MBNL1: variants seen among roughly 807,000 people sequenced by gnomAD.
MBNL1 encodes muscleblind-like protein 1.
MBNL1 carries 8 observed loss-of-function variants against 42.2 expected under a neutral mutation model. The ratio of observed to expected loss-of-function variants is 0.19; its 90% CI spans 0.11 to 0.34. The LOEUF (loss-of-function observed/expected upper bound fraction) is 0.34, where lower values mean the gene tolerates loss of function less well. Among genes scored for constraint, MBNL1 ranks in the 10% least tolerant of loss-of-function variants. The pLI is 1.00. For synonymous variants in MBNL1, 169 were observed against 173.9 expected (o/e 0.97, Z 0.22); for missense variants, 309 against 495.3 (o/e 0.62, Z 3.57).
rs2060245568 is a variant in MBNL1, at chr3:152,300,449, T to A, written c.174+82T>A. 1.4e-5 allele frequency: 16 copies of A among 1,171,814 alleles called. No homozygotes were observed. The South Asian group carries it at 2.3e-4, about 17-fold the overall frequency. The allele number at this position is 1,171,814 out of a possible 1,614,324, so 72.6% of individuals were successfully genotyped here. On this transcript the variant is annotated intron_variant, in intron 2 of 9. Transcript: ENST00000324210. Reference sequence around the variant, plus strand: ...GACATACAGTTCTCTGCATATGGGATTATGGATTGCTTTGTTCATAGTTTA... The same window carrying A: ...GACATACAGTTCTCTGCATATGGGAATATGGATTGCTTTGTTCATAGTTTA...
At chr3:152,372,774 G>T (rs921546785) in intron 2 of MBNL1, among the ~76,000 whole-genome samples, 1 of 152,242 alleles carries the variant, frequency 6.6e-6, no homozygotes, top group Non-Finnish European at 1.5e-5. Context: ...AGGCACAGGG[G>T]TCAGGGACCC....
At chr3:152,434,928 G>A (rs188829982) in intron 4 of MBNL1, among the ~76,000 whole-genome samples, 20 of 152,252 alleles carry the variant, frequency 1.3e-4, no homozygotes, top group African/African-American at 4.6e-4. Flanking sequence ...GTTCCTTACA[G>A]ATTCTAGATA....
At chr3:152,454,022 T>C (rs749270384) in intron 6 of MBNL1, among the ~76,000 whole-genome samples, 10 of 152,216 alleles carry the variant, frequency 6.6e-5, no homozygotes, top group Admixed American at 3.9e-4. Flanking sequence ...AAGATGTAGA[T>C]CCGGTATTAA....
chr3:152,255,395 G>A (rs943780516), intron 2 of MBNL1, among the ~76,000 whole-genome samples: 1 of 152,002 alleles, frequency 6.6e-6, no homozygotes, highest in African/African-American at 2.4e-5. Context: ...TTAATATTGA[G>A]CATTATCTCC....
At chr3:152,326,775 A>G (rs1276140224) in intron 2 of MBNL1, among the ~76,000 whole-genome samples, 2 of 92,076 alleles carry the variant, frequency 2.2e-5, no homozygotes, top group Non-Finnish European at 4.7e-5. Context: ...TTCCCTTGGG[A>G]AAATTATTTA....
intron 2 of MBNL1, among the ~76,000 whole-genome samples, chr3:152,380,810 A>G (rs191047289): frequency 2.5e-4 from 38 of 152,168 alleles, no homozygotes; most frequent in Admixed American, 7.9e-4. Flanking sequence ...CACTGAGTTA[A>G]TATTTTTCCT....
chr3:152,417,308 A>G (rs1273348576), intron 3 of MBNL1, among the ~76,000 whole-genome samples: 1 of 152,208 alleles, frequency 6.6e-6, no homozygotes, highest in African/African-American at 2.4e-5. Context: ...AGGGATTGTA[A>G]CAGGACTAGA....
chr3:152,322,516 T>C (rs1266803559), intron 2 of MBNL1, among the ~76,000 whole-genome samples: 1 of 152,066 alleles, frequency 6.6e-6, no homozygotes, highest in Non-Finnish European at 1.5e-5. Flanking sequence ...ACTTGAATTA[T>C]TCTAATTACG....
intron 2 of MBNL1, among the ~76,000 whole-genome samples, chr3:152,391,705 A>G (rs1325439674): frequency 1.3e-5 from 2 of 152,206 alleles, no homozygotes; most frequent in African/African-American, 4.8e-5. Context: ...TATTTCCTAT[A>G]GAAAACACCT....
chr3:152,421,165 G>A (rs1368380367), intron 3 of MBNL1, among the ~76,000 whole-genome samples: 1 of 152,172 alleles, frequency 6.6e-6, no homozygotes, highest in African/African-American at 2.4e-5. Flanking sequence ...AAAGTGATGG[G>A]GAGAATGGAA....
chr3:152,317,429 C>A (rs1262572090), intron 2 of MBNL1, among the ~76,000 whole-genome samples: 1 of 152,064 alleles, frequency 6.6e-6, no homozygotes, highest in Admixed American at 6.5e-5. Context: ...AAGTGATTCT[C>A]CCGCCTCAAT....
chr3:152,346,628 T>A (rs182389544), intron 2 of MBNL1, among the ~76,000 whole-genome samples: 1 of 152,262 alleles, frequency 6.6e-6, no homozygotes, highest in Non-Finnish European at 1.5e-5. Flanking sequence ...AATGTGGTCC[T>A]ACAGTTTTGT....
At chr3:152,344,218 T>G (rs901218251) in intron 2 of MBNL1, among the ~76,000 whole-genome samples, 16 of 152,156 alleles carry the variant, frequency 1.1e-4, no homozygotes, top group Non-Finnish European at 1.9e-4. Flanking sequence ...ACAAAGAGAA[T>G]TAACTATGTT....
intron 2 of MBNL1, chr3:152,396,162 C>A: frequency 2.7e-6 from 1 of 364,038 alleles, no homozygotes; most frequent in South Asian, 2.1e-5. Context: ...TCCTGTCACC[C>A]CCAGATAGGA....
At chr3:152,406,300 C>T (rs1464023021) in intron 2 of MBNL1, among the ~76,000 whole-genome samples, 2 of 152,118 alleles carry the variant, frequency 1.3e-5, no homozygotes, top group African/African-American at 4.8e-5. Flanking sequence ...TTACAGCATC[C>T]CATCACAAGC....
At chr3:152,281,048 C>G (rs145911107) in intron 1 of MBNL1, among the ~76,000 whole-genome samples, 3 of 152,150 alleles carry the variant, frequency 2.0e-5, no homozygotes, top group African/African-American at 4.8e-5. Context: ...AGCAAAACAA[C>G]AAAAGACTCG....
At chr3:152,347,320 A>G (rs1462860451) in intron 2 of MBNL1, among the ~76,000 whole-genome samples, 1 of 152,062 alleles carries the variant, frequency 6.6e-6, no homozygotes, top group Non-Finnish European at 1.5e-5. Flanking sequence ...GTAACATGAA[A>G]AAAATGGATT....
At chr3:152,413,076 C>T (rs1312347118) in intron 2 of MBNL1, among the ~76,000 whole-genome samples, 8 of 152,098 alleles carry the variant, frequency 5.3e-5, no homozygotes, top group Non-Finnish European at 1.2e-4. Context: ...TTTATTTTTG[C>T]CAGTCCTACT....
At chr3:152,376,677 G>A (rs2096915485) in intron 2 of MBNL1, among the ~76,000 whole-genome samples, 1 of 152,108 alleles carries the variant, frequency 6.6e-6, no homozygotes, top group Admixed American at 6.6e-5. Flanking sequence ...TATGTTTTTA[G>A]GAATAAGAGC....
Sources: gnomAD v4.1 joint callset for allele counts (sites outside exome capture counted in the v4.1 genomes callset) on GRCh38, gnomAD v4.1.1 for gene constraint, MANE v1.5 for transcripts, NCBI Gene and HGNC (gene_info 2026-07-23, HGNC 2026-07-21) for gene names.